Variants in GSG1L observed in about 807,000 individuals in gnomAD.
GSG1L encodes germ cell-specific gene 1-like protein.
In GSG1L, 24 loss-of-function variants were observed where a neutral mutation model predicts 42.1. The ratio of observed to expected loss-of-function variants is 0.57; its 90% CI spans 0.41 to 0.80. GSG1L has a LOEUF of 0.80. GSG1L is among the 30% of genes least tolerant of loss of function. The pLI is 0.00. For synonymous variants in GSG1L, 215 were observed against 203.5 expected (o/e 1.06, Z -0.48); for missense variants, 445 against 472.2 (o/e 0.94, Z 0.53).
At chr16:27,925,203 T>TAA (rs1199465302) in intron 2 of GSG1L, among the ~76,000 whole-genome samples, 1 of 152,192 alleles carries the variant, frequency 6.6e-6, no homozygotes, top group Non-Finnish European at 1.5e-5. Flanking sequence ...TATTCCTGAG[T>TAA]AAAGGAATTA....
chr16:27,899,642 G>A (rs1301886065), intron 2 of GSG1L, among the ~76,000 whole-genome samples: 2 of 152,140 alleles, frequency 1.3e-5, no homozygotes, highest in Non-Finnish European at 2.9e-5. Context: ...GCTTGAGCTC[G>A]GGAGGTTGAA....
At chr16:27,959,303 C>CA (rs3033628) in intron 2 of GSG1L, among the ~76,000 whole-genome samples, 1,784 of 131,114 alleles carry the variant, frequency 0.014, 17 homozygotes, top group South Asian at 0.018. Flanking sequence ...ACTAATAATA[C>CA]AAAAAAAAAA....
rs139897991 is a variant in GSG1L at position 27,841,153 on chromosome 16, C to T, written c.662+3797G>A. ...CCCATGAGGCGGAAATTCGGGCTGT[C>T]CCATTTTCCAGCTGAGGACACAGAG... is the stretch of plus-strand genomic sequence containing the variant. On this transcript the variant is annotated intron_variant, in intron 4 of 6. Transcript: ENST00000447459. Among the ~76,000 whole-genome samples, 172 of 152,314 alleles carry T rather than the reference C, an allele frequency of 1.1e-3. 1 individual carries two copies. Among genetic ancestry groups the T allele is most frequent in the South Asian group, 4.3e-3 (21 of 4,834 alleles).
At chr16:27,889,468 A>G (rs1425786396) in intron 2 of GSG1L, among the ~76,000 whole-genome samples, 1 of 152,214 alleles carries the variant, frequency 6.6e-6, no homozygotes, top group Non-Finnish European at 1.5e-5. Context: ...GCCAAGTCAA[A>G]AAGGAGGATG....
intron 3 of GSG1L, among the ~76,000 whole-genome samples, chr16:27,855,006 G>A: frequency 6.6e-6 from 1 of 152,092 alleles, no homozygotes; most frequent in Non-Finnish European, 1.5e-5. Flanking sequence ...AGGCTGCAAT[G>A]AGCTATGATC....
intron 2 of GSG1L, among the ~76,000 whole-genome samples, chr16:27,947,536 TGAAG>T (rs1435573046): frequency 1.6e-4 from 4 of 24,432 alleles, no homozygotes; most frequent in Non-Finnish European, 3.8e-4. Context: ...AAAGAAAGAA[TGAAG>T]GAAAGAAAGA....
chr16:27,847,043 T>C (rs1446820052), intron 3 of GSG1L, among the ~76,000 whole-genome samples: 1 of 152,094 alleles, frequency 6.6e-6, no homozygotes, highest in Non-Finnish European at 1.5e-5. Context: ...ACAGCATCTG[T>C]CCTACAAATC....
intron 3 of GSG1L, among the ~76,000 whole-genome samples, chr16:27,845,739 A>G (rs960956238): frequency 2.6e-5 from 4 of 152,096 alleles, no homozygotes; most frequent in Admixed American, 1.3e-4. Flanking sequence ...CATTTTTCAC[A>G]TTTATTAACC....
chr16:27,857,067 G>A (rs2083588199), intron 3 of GSG1L, among the ~76,000 whole-genome samples: 1 of 152,196 alleles, frequency 6.6e-6, no homozygotes. Flanking sequence ...GGGGGCCCAT[G>A]TGGAAAGACA....
chr16:27,914,627 G>T (rs2084430365), intron 2 of GSG1L, among the ~76,000 whole-genome samples: 1 of 150,618 alleles, frequency 6.6e-6, no homozygotes, highest in Non-Finnish European at 1.5e-5. Flanking sequence ...AGGCTCTAGT[G>T]ATTCTCCCAC....
At chr16:27,836,507 A>G (rs1363448725) in intron 4 of GSG1L, among the ~76,000 whole-genome samples, 15 of 152,004 alleles carry the variant, frequency 9.9e-5, no homozygotes, top group Admixed American at 8.5e-4. Flanking sequence ...TTTTGGTTGT[A>G]GTTCTAGAGG....
At chr16:27,865,568 T>TACACACAC in intron 3 of GSG1L, among the ~76,000 whole-genome samples, 2 of 20,868 alleles carry the variant, frequency 9.6e-5, no homozygotes, top group Middle Eastern at 0.016. Flanking sequence ...TATATATATA[T>TACACACAC]ATATACACAC....
At chr16:27,817,238 C>G (rs945170072) in intron 5 of GSG1L, among the ~76,000 whole-genome samples, 1 of 152,200 alleles carries the variant, frequency 6.6e-6, no homozygotes, top group Non-Finnish European at 1.5e-5. Flanking sequence ...TCTGCTGTGG[C>G]AGGGGTGGGT....
chr16:28,022,749 C>T (rs921606823), intron 1 of GSG1L, among the ~76,000 whole-genome samples: 11 of 152,280 alleles, frequency 7.2e-5, no homozygotes, highest in African/African-American at 2.4e-4. Flanking sequence ...CTCACTGCAA[C>T]CTCCAACTCC....
intron 1 of GSG1L, among the ~76,000 whole-genome samples, chr16:28,037,711 C>T (rs1281610279): frequency 6.6e-6 from 1 of 152,166 alleles, no homozygotes; most frequent in Non-Finnish European, 1.5e-5. Flanking sequence ...TGAGCCAATC[C>T]TTATTCTTCT....
At chr16:27,943,415 A>C (rs1052991702) in intron 2 of GSG1L, among the ~76,000 whole-genome samples, 1 of 152,010 alleles carries the variant, frequency 6.6e-6, no homozygotes, top group Non-Finnish European at 1.5e-5. Flanking sequence ...AATAAACTAC[A>C]GTTACATGAT....
chr16:27,941,026 C>T (rs1220845383), intron 2 of GSG1L, among the ~76,000 whole-genome samples: 1 of 151,850 alleles, frequency 6.6e-6, no homozygotes, highest in Non-Finnish European at 1.5e-5. Context: ...GAGACCTAAA[C>T]AGAAGAGCTA....
intron 2 of GSG1L, among the ~76,000 whole-genome samples, chr16:27,937,889 C>A (rs1276893229): frequency 2.0e-5 from 3 of 152,088 alleles, no homozygotes; most frequent in Non-Finnish European, 4.4e-5. Context: ...CCCTTGACGC[C>A]TCTACACATC....
At chr16:27,849,319 C>G (rs751490760) in intron 3 of GSG1L, among the ~76,000 whole-genome samples, 1 of 152,090 alleles carries the variant, frequency 6.6e-6, no homozygotes, top group South Asian at 2.1e-4. Context: ...CAGTTTGGCT[C>G]TCACCCTATG....
Sources: gnomAD v4.1 joint callset for allele counts (sites outside exome capture counted in the v4.1 genomes callset) on GRCh38, gnomAD v4.1.1 for gene constraint, MANE v1.5 for transcripts, NCBI Gene and HGNC (gene_info 2026-07-23, HGNC 2026-07-21) for gene names.